Variants in QPCT observed in about 807,000 individuals in gnomAD.
QPCT encodes EC.
A neutral mutation model predicts 43.4 loss-of-function variants in QPCT; 44 were observed. The observed-to-expected ratio is 1.01, with a 90% confidence interval of 0.80 to 1.30. The LOEUF (loss-of-function observed/expected upper bound fraction) is 1.30. Among genes scored for constraint, QPCT ranks in the 50% most tolerant of loss-of-function variants. QPCT has a pLI of 0.00. For missense variants in QPCT, 526 were observed against 436.5 expected (o/e 1.21, Z -1.83); for synonymous variants, 168 against 168.4 (o/e 1.00, Z 0.02).
intron 2 of QPCT, among the ~76,000 whole-genome samples, chr2:37,356,939 G>GT (rs1347421571): frequency 5.3e-5 from 8 of 151,916 alleles, no homozygotes; most frequent in African/African-American, 9.7e-5. Context: ...CCAGGGAGTT[G>GT]GAGGTTGCAG....
At chr2:37,369,562 A>G in intron 4 of QPCT, 123 bp from the exon 5 acceptor site, 1 of 718,856 alleles carries the variant, frequency 1.4e-6, no homozygotes, top group Non-Finnish European at 2.4e-6. Context: ...GTTCATTCAT[A>G]TAGCTTGCCA....
chr2:37,357,031 A>G (rs984114745), intron 2 of QPCT, among the ~76,000 whole-genome samples: 1 of 151,592 alleles, frequency 6.6e-6, no homozygotes, highest in African/African-American at 2.4e-5. Context: ...AAGTTGCTTC[A>G]GGAAAAACTC....
In QPCT at chr2:37,372,828, T is replaced by C. The variant is rs1367630968; in HGVS notation, c.*1T>C. The stretch of plus-strand genomic sequence containing the variant: ...TGTGTTGGAATATCTTCATTTGTAA[T>C]ACTCTGATTTAGTTTAGGATAATTG... On this transcript the variant is annotated 3_prime_UTR_variant, in exon 7 of 7. Transcript: ENST00000338415. The C allele has an allele frequency of 4.4e-6, 7 of 1,601,510 alleles. No homozygotes were observed. Among genetic ancestry groups the C allele is most frequent in the Non-Finnish European group, 5.1e-6 (6 of 1,172,906 alleles).
chr2:37,358,871 C>T (rs1672802758), intron 2 of QPCT: 1 of 152,236 alleles, frequency 6.6e-6, no homozygotes, highest in Non-Finnish European at 1.5e-5. Flanking sequence ...TGGGAGCTTT[C>T]TACGTTATCC....
At chr2:37,369,432 G>C (rs6721456) in intron 4 of QPCT, among the ~76,000 whole-genome samples, 1 of 152,144 alleles carries the variant, frequency 6.6e-6, no homozygotes, top group East Asian at 1.9e-4. Flanking sequence ...TTTATCCTTA[G>C]TGATATCCTT....
At chr2:37,347,191 TAAC>T (rs1342741038) in intron 1 of QPCT, among the ~76,000 whole-genome samples, 5 of 86,098 alleles carry the variant, frequency 5.8e-5, no homozygotes, top group East Asian at 6.0e-4. Context: ...CATATATATA[TAAC>T]ATATATATAT....
chr2:37,350,168 G>A (rs976314393), intron 1 of QPCT, among the ~76,000 whole-genome samples: 1 of 152,220 alleles, frequency 6.6e-6, no homozygotes, highest in African/African-American at 2.4e-5. Context: ...AAGCACCGCA[G>A]ATGCCAAAGC....
chr2:37,367,463 A>G, intron 4 of QPCT, 55 bp downstream of exon 4: 1 of 1,549,638 alleles, frequency 6.5e-7, no homozygotes, highest in South Asian at 1.2e-5. Flanking sequence ...TTCCAAGGAA[A>G]AGGTTGCAAA....
In QPCT at chr2:37,367,235, G is replaced by C; in HGVS notation, c.550G>C (p.Val184Leu). 1 of 1,612,168 alleles carries C rather than the reference G, an allele frequency of 6.2e-7. No individual in the cohort carries two copies. Among genetic ancestry groups the C allele is most frequent in the Non-Finnish European group, 8.5e-7 (1 of 1,179,146 alleles). ...TTTTTATTGTTGTTTTTACCAGACT[G>C]TTTCAGACTCCAAGCCAGATTTGTC... ...LDKKLLSLKT[V>L]SDSKPDLSLQ... Residue 184 changes from valine (V) to leucine (L), a missense_variant, in exon 4 of 7, where the codon GTT becomes CTT. Val to Leu is a conservative substitution (Grantham distance 32). Coordinates refer to ENST00000338415, the MANE Select transcript of QPCT (RefSeq NM_012413.4).
chr2:37,365,886 C>CA (rs1672949250), intron 3 of QPCT, among the ~76,000 whole-genome samples: 1 of 152,016 alleles, frequency 6.6e-6, no homozygotes, highest in Non-Finnish European at 1.5e-5. Context: ...CATGAAAGGC[C>CA]AATGTGAGGT....
intron 1 of QPCT, among the ~76,000 whole-genome samples, chr2:37,348,759 G>T (rs1201641898): frequency 6.6e-6 from 1 of 152,142 alleles, no homozygotes; most frequent in Non-Finnish European, 1.5e-5. Context: ...TTTCTGTCTG[G>T]ATGAAAAGAC....
chr2:37,352,744 T>A, intron 1 of QPCT, 45 bp from the exon 2 acceptor site: 1 of 1,598,684 alleles, frequency 6.3e-7, no homozygotes, highest in South Asian at 1.1e-5. Context: ...GTCTTAAACA[T>A]GTTATGAAAG....
At chr2:37,369,612 A>C (rs1436190697) in intron 4 of QPCT, 73 bp from the exon 5 acceptor site, 1 of 1,131,348 alleles carries the variant, frequency 8.8e-7, no homozygotes, top group Non-Finnish European at 1.3e-6. Context: ...ATTTTGACTG[A>C]TTGTATTTCC....
Position 37,363,261 on chromosome 2 carries a change from T to C in QPCT, c.546+3403T>C, listed in dbSNP as rs369968246. On this transcript the variant is annotated intron_variant, in intron 3 of 6. Coordinates refer to ENST00000338415, the MANE Select transcript of QPCT (RefSeq NM_012413.4). ...AACCAATCTGTGTCTCCAACCAGCATTTTAATATCTTATTCTTTAACATGA... is the reference window on the plus strand; with the variant it reads ...AACCAATCTGTGTCTCCAACCAGCACTTTAATATCTTATTCTTTAACATGA... Among the ~76,000 whole-genome samples, 42 of 152,258 alleles carry C rather than the reference T, an allele frequency of 2.8e-4. No individual in the cohort carries two copies. In the East Asian group the frequency reaches 5.8e-3, roughly 21 times the overall value.
At chr2:37,370,876 T>A (rs923818172) in intron 5 of QPCT, among the ~76,000 whole-genome samples, 1 of 152,146 alleles carries the variant, frequency 6.6e-6, no homozygotes, top group East Asian at 1.9e-4. Context: ...GAAAATGAGA[T>A]TGATCTTTAT....
rs558949041 is a variant in QPCT at position 37,356,902 on chromosome 2, A to C, written c.268-2678A>C. On this transcript the variant is annotated intron_variant, in intron 2 of 6. Coordinates refer to ENST00000338415, the MANE Select transcript of QPCT (RefSeq NM_012413.4). The stretch of plus-strand genomic sequence containing the variant: ...GTGCCTGTGGTCCCAGCTTTTCGGG[A>C]GGCTAAGGCAGGAGAATTTGCTTGA... Among the ~76,000 whole-genome samples the C allele has an allele frequency of 2.6e-5, 4 of 151,766 alleles. No individual in the cohort carries two copies. The East Asian group carries it at 7.8e-4, about 29-fold the overall frequency.
intron 3 of QPCT, among the ~76,000 whole-genome samples, chr2:37,361,829 G>C (rs1672862795): frequency 6.6e-6 from 1 of 152,208 alleles, no homozygotes; most frequent in Admixed American, 6.5e-5. Context: ...AATGGGGAAG[G>C]ACTGCAGATA....
chr2:37,347,177 A>C (rs1348333434), intron 1 of QPCT, among the ~76,000 whole-genome samples: 3 of 70,234 alleles, frequency 4.3e-5, no homozygotes, highest in African/African-American at 1.3e-4. Context: ...ATATATATAT[A>C]TAACATATAT....
At chr2:37,359,507 A>C in intron 2 of QPCT, 73 bp from the exon 3 acceptor site, 1 of 1,434,574 alleles carries the variant, frequency 7.0e-7, no homozygotes, top group Non-Finnish European at 9.4e-7. Context: ...ACTACTTAAA[A>C]TTTCAGAATC....
Sources: allele counts gnomAD v4.1 joint callset (sites outside exome capture counted in the v4.1 genomes callset), GRCh38; gene constraint gnomAD v4.1.1; transcripts MANE v1.5; gene names NCBI Gene and HGNC (gene_info 2026-07-23, HGNC 2026-07-21).